The following ANKH variants were observed in gnomAD, a reference collection of about 807,000 sequenced individuals.
The protein encoded by ANKH is ANKH inorganic pyrophosphate transport regulator.
A neutral mutation model predicts 49.0 loss-of-function variants in ANKH; 15 were observed. That is an observed-to-expected ratio of 0.31 (90% CI 0.20 to 0.47). The LOEUF is 0.47. Among genes scored for constraint, ANKH ranks in the 20% least tolerant of loss-of-function variants. ANKH has a pLI of 1.00. For synonymous variants in ANKH, 273 were observed against 260.0 expected (o/e 1.05, Z -0.48); for missense variants, 429 against 652.0 (o/e 0.66, Z 3.72).
At chr5:14,785,781 G>A (rs956511803) in intron 1 of ANKH, among the ~76,000 whole-genome samples, 17 of 152,032 alleles carry the variant, frequency 1.1e-4, no homozygotes, top group African/African-American at 3.1e-4. Flanking sequence ...TCGGCAGGGC[G>A]TGGTGGCTCA....
chr5:14,827,068 C>T (rs756841989), intron 1 of ANKH, among the ~76,000 whole-genome samples: 2 of 152,218 alleles, frequency 1.3e-5, no homozygotes, highest in African/African-American at 2.4e-5. Flanking sequence ...TACAGCAGAA[C>T]CACTGTCTCC....
intron 8 of ANKH, chr5:14,717,087 G>A: frequency 4.3e-6 from 2 of 465,628 alleles, no homozygotes; most frequent in South Asian, 4.0e-5. Context: ...CTCCAAGAGT[G>A]GGTCATTTAT....
chr5:14,772,489 G>A (rs940124358), intron 1 of ANKH, among the ~76,000 whole-genome samples: 13 of 151,864 alleles, frequency 8.6e-5, no homozygotes, highest in South Asian at 2.1e-4. Flanking sequence ...CACTAATAAC[G>A]GTGAAAACTT....
chr5:14,824,724 A>T (rs146056246), intron 1 of ANKH, among the ~76,000 whole-genome samples: 64 of 152,292 alleles, frequency 4.2e-4, no homozygotes, highest in Admixed American at 1.8e-3. Context: ...TTACCACTGT[A>T]ACAGCCCAAG....
At chr5:14,784,868 T>C (rs1228203536) in intron 1 of ANKH, among the ~76,000 whole-genome samples, 1 of 151,862 alleles carries the variant, frequency 6.6e-6, no homozygotes, top group Non-Finnish European at 1.5e-5. Context: ...AGGCACTTGC[T>C]GAAGTTAGTA....
chr5:14,774,072 T>C (rs1237271890), intron 1 of ANKH, among the ~76,000 whole-genome samples: 1 of 152,224 alleles, frequency 6.6e-6, no homozygotes, highest in South Asian at 2.1e-4. Context: ...ATTGAGGACA[T>C]GAGCTACATT....
chr5:14,863,216 TA>T (rs1013546222), intron 1 of ANKH, among the ~76,000 whole-genome samples: 1 of 152,042 alleles, frequency 6.6e-6, no homozygotes, highest in Non-Finnish European at 1.5e-5. Flanking sequence ...ACATAGCCTA[TA>T]AAAAAATTTT....
rs753303788 is a variant in ANKH, at chr5:14,711,282, G to A, written c.1394C>T (p.Thr465Met). 9 of 1,614,058 alleles carry A rather than the reference G, an allele frequency of 5.6e-6. No homozygotes were observed. The highest frequency in any genetic ancestry group is 2.2e-5 in the East Asian group (1 of 44,872). The change falls in exon 12 of 12, where the codon ACG becomes ATG. Residue 465 changes from threonine to methionine, a missense_variant. Physicochemically the swap from Thr to Met is moderately conservative, Grantham distance 81. Coordinates refer to ENST00000284268, the MANE Select transcript of ANKH (RefSeq NM_054027.6). The part of the protein sequence containing the change: ...QKKKMENESA[T>M]EGEDSAMTDM... ...TGTCATGGCAGAGTCTTCCCCCTCCGTGGCCGACTCATTCTCCATCTTCTT... is the reference window on the plus strand; with the variant it reads ...TGTCATGGCAGAGTCTTCCCCCTCCATGGCCGACTCATTCTCCATCTTCTT...
chr5:14,814,702 C>T (rs142298059), intron 1 of ANKH, among the ~76,000 whole-genome samples: 247 of 152,270 alleles, frequency 1.6e-3, no homozygotes, highest in African/African-American at 5.7e-3. Context: ...AGTCTGTTTC[C>T]AGCACTAAGG....
intron 8 of ANKH, among the ~76,000 whole-genome samples, chr5:14,732,722 T>C (rs964490143): frequency 3.9e-5 from 6 of 152,202 alleles, no homozygotes; most frequent in Non-Finnish European, 8.8e-5. Context: ...TGCCTCTGTG[T>C]GGCATCTGGG....
Position 14,751,178 on chromosome 5 carries a change from G to A in ANKH, c.578C>T (p.Pro193Leu), listed in dbSNP as rs763228863. 3.3e-5 allele frequency: 53 copies of A among 1,614,094 alleles called. No homozygotes were observed. The highest frequency in any genetic ancestry group is 1.7e-5 in the Admixed American group (1 of 60,012). ...HLECREPLLIPILSLYMGALV... is the reference protein window; with the variant it reads ...HLECREPLLILILSLYMGALV... ...TGCGCCCATGTACAAGGAGAGGATC[G>A]GGATGAGCAGGGGCTCCCGGCATTC... Residue 193 changes from proline (P) to leucine (L), a missense_variant, in exon 5 of 12, where the codon CCG becomes CTG. By Grantham distance (98) the Pro-to-Leu change is moderately conservative. Around this residue, in one of 2 missense-constraint regions of ANKH, gnomAD observed 378 missense variants for 615.3 expected, o/e 0.61. Coordinates refer to ENST00000284268, the MANE Select transcript of ANKH (RefSeq NM_054027.6).
At chr5:14,860,939 CA>C (rs367666604) in intron 1 of ANKH, among the ~76,000 whole-genome samples, 43 of 152,162 alleles carry the variant, frequency 2.8e-4, no homozygotes, top group African/African-American at 8.9e-4. Context: ...CCCACCACCA[CA>C]CCCGGCTAAT....
At chr5:14,762,685 G>GA (rs1318793459) in intron 2 of ANKH, among the ~76,000 whole-genome samples, 1 of 149,710 alleles carries the variant, frequency 6.7e-6, no homozygotes, top group Non-Finnish European at 1.5e-5. Flanking sequence ...CTCTGTTGGG[G>GA]CGACTCCCTC....
At chr5:14,813,981 C>T (rs749764139) in intron 1 of ANKH, among the ~76,000 whole-genome samples, 7 of 152,136 alleles carry the variant, frequency 4.6e-5, no homozygotes, top group African/African-American at 1.4e-4. Flanking sequence ...TCCCCTCTCC[C>T]GGCTCAGACA....
At chr5:14,839,501 T>C (rs1741756184) in intron 1 of ANKH, among the ~76,000 whole-genome samples, 1 of 131,616 alleles carries the variant, frequency 7.6e-6, no homozygotes, top group Admixed American at 7.8e-5. Flanking sequence ...CTCAAAGTCT[T>C]ATCAGTTAAA....
Position 14,871,347 on chromosome 5 carries a change from C to T in ANKH, c.96+5G>A, listed in dbSNP as rs928164677. On this transcript the variant is annotated splice_donor_5th_base_variant and intron_variant, in intron 1 of 11. Transcript: ENST00000284268. ...GCGGGCGTGGGGCGCGGGGCCGGGG[C>T]TTACCTGCTCCCCGAAGTCGATGGC... The T allele has an allele frequency of 6.2e-6, 10 of 1,610,828 alleles. No homozygotes were observed. Among genetic ancestry groups the T allele is most frequent in the African/African-American group, 1.3e-5 (1 of 74,752 alleles).
intron 1 of ANKH, among the ~76,000 whole-genome samples, chr5:14,784,734 G>A (rs1441774886): frequency 1.3e-5 from 2 of 152,120 alleles, no homozygotes; most frequent in African/African-American, 4.8e-5. Flanking sequence ...GACAAGCAGT[G>A]CAAGAACTGC....
In ANKH at chr5:14,709,094, A is replaced by G. The variant is rs1478005699; in HGVS notation, c.*2103T>C. The G allele has an allele frequency of 6.6e-6, 1 of 152,102 alleles. No homozygotes were observed. The highest frequency in any genetic ancestry group is 1.5e-5 in the Non-Finnish European group (1 of 68,050). 9.4% of individuals were successfully genotyped at this position (152,102 alleles called of 1,614,324 possible). ...TTTTTAGTAGAGACAGGGTTTTGCC[A>G]TGTTGGCCAGGCTGGTCTCAAACTC... On this transcript the variant is annotated 3_prime_UTR_variant, in exon 12 of 12. Coordinates refer to ENST00000284268, the MANE Select transcript of ANKH (RefSeq NM_054027.6).
chr5:14,751,311 G>A (rs557645631), intron 4 of ANKH, 72 bp from the exon 5 acceptor site: 37 of 1,496,006 alleles, frequency 2.5e-5, no homozygotes, highest in East Asian at 9.1e-5. Context: ...ACAGGGGCAC[G>A]CTCTTGAACC....
Sources: gnomAD v4.1 joint callset for allele counts (sites outside exome capture counted in the v4.1 genomes callset) on GRCh38, gnomAD v4.1.1 for gene constraint, gnomAD v4.1.1 regional missense constraint, MANE v1.5 for transcripts, NCBI Gene and HGNC (gene_info 2026-07-23, HGNC 2026-07-21) for gene names.